SDK1: variants seen among roughly 807,000 people sequenced by gnomAD.
The protein encoded by SDK1 is protein sidekick-1.
A neutral mutation model predicts 245.5 loss-of-function variants in SDK1; 157 were observed. That is an observed-to-expected ratio of 0.64 (90% CI 0.56 to 0.73). SDK1 has a LOEUF of 0.73. SDK1 is among the 30% of genes least tolerant of loss of function. SDK1 has a pLI of 0.00. For missense variants in SDK1, 3,583 were observed against 3,002.3 expected, an observed-to-expected ratio of 1.19 and a Z score of -4.52; for synonymous variants, 1,647 against 1,278.5, an observed-to-expected ratio of 1.29 and a Z score of -6.15.
intron 42 of SDK1, among the ~76,000 whole-genome samples, chr7:4,238,140 C>T (rs1211645365): frequency 6.6e-6 from 1 of 151,890 alleles, no homozygotes; most frequent in Non-Finnish European, 1.5e-5. Context: ...AGTGCACTGG[C>T]ACAATCTCGG....
chr7:3,351,425 A>G (rs957144981), intron 1 of SDK1, among the ~76,000 whole-genome samples: 1 of 152,190 alleles, frequency 6.6e-6, no homozygotes, highest in Non-Finnish European at 1.5e-5. Context: ...CAGAAAGCAC[A>G]CAATAACATG....
At chr7:3,835,070 C>A (rs1472279529) in intron 5 of SDK1, among the ~76,000 whole-genome samples, 1 of 152,190 alleles carries the variant, frequency 6.6e-6, no homozygotes, top group African/African-American at 2.4e-5. Context: ...ACTCAAGACT[C>A]TTGAGACTTC....
chr7:4,192,359 T>C (rs1783258100), intron 35 of SDK1, among the ~76,000 whole-genome samples: 1 of 152,198 alleles, frequency 6.6e-6, no homozygotes, highest in Admixed American at 6.5e-5. Flanking sequence ...CACTGCAAGC[T>C]CCGCCTCCCG....
At chr7:3,972,121 C>G (rs1480785845) in intron 12 of SDK1, among the ~76,000 whole-genome samples, 1 of 148,404 alleles carries the variant, frequency 6.7e-6, no homozygotes, top group Non-Finnish European at 1.5e-5. Context: ...GCTCTGTCAC[C>G]TGAGCTGGAG....
intron 4 of SDK1, among the ~76,000 whole-genome samples, chr7:3,684,974 A>G (rs533526752): frequency 4.6e-5 from 7 of 152,254 alleles, no homozygotes; most frequent in South Asian, 2.1e-4. Context: ...CACAACAACA[A>G]TGGACCCAAA....
At chr7:3,908,374 A>G (rs1411889723) in intron 5 of SDK1, among the ~76,000 whole-genome samples, 1 of 152,174 alleles carries the variant, frequency 6.6e-6, no homozygotes, top group Non-Finnish European at 1.5e-5. Flanking sequence ...GCTTGGTCTC[A>G]TTCCCCACCA....
intron 1 of SDK1, among the ~76,000 whole-genome samples, chr7:3,536,878 G>A (rs1334957699): frequency 1.3e-5 from 2 of 152,118 alleles, no homozygotes; most frequent in African/African-American, 2.4e-5. Flanking sequence ...ATGCTATTAT[G>A]AAGTAATTAT....
chr7:4,125,439 A>ATGAATGGG lies in SDK1; in HGVS notation c.3824-1934_3824-1927dup, dbSNP rs1188242012. Among the ~76,000 whole-genome samples the ATGAATGGG allele has an allele frequency of 2.7e-5, 4 of 150,146 alleles. No homozygotes were observed. In the East Asian group the frequency reaches 8.2e-4, roughly 31 times the overall value. The stretch of plus-strand genomic sequence containing the variant: ...GATGGATGGATGGATGAGTGAATGG[A>ATGAATGGG]TGAATGGGTGAATGGATGAATGGAT... On this transcript the variant is annotated intron_variant, in intron 25 of 44. Coordinates refer to ENST00000404826, the MANE Select transcript of SDK1 (RefSeq NM_152744.4).
At chr7:4,212,356 A>G (rs949863377) in intron 38 of SDK1, among the ~76,000 whole-genome samples, 5 of 152,338 alleles carry the variant, frequency 3.3e-5, no homozygotes, top group African/African-American at 9.6e-5. Context: ...CCAGAGCCCA[A>G]TACTTTTGTA....
chr7:4,065,691 G>GTTGTTT (rs1779839397), intron 19 of SDK1, among the ~76,000 whole-genome samples: 1 of 29,472 alleles, frequency 3.4e-5, no homozygotes, highest in Non-Finnish European at 6.2e-5. Flanking sequence ...ATGAGTGGTT[G>GTTGTTT]TTGTTTTTTT....
At chr7:3,894,181 A>G (rs1287464768) in intron 5 of SDK1, among the ~76,000 whole-genome samples, 1 of 152,228 alleles carries the variant, frequency 6.6e-6, no homozygotes, top group Non-Finnish European at 1.5e-5. Flanking sequence ...AATCTTCAGA[A>G]CATTTTAATG....
At chr7:3,626,933 T>G (rs1364959174) in intron 2 of SDK1, among the ~76,000 whole-genome samples, 2 of 152,070 alleles carry the variant, frequency 1.3e-5, no homozygotes, top group African/African-American at 2.4e-5. Flanking sequence ...AACAATTTTT[T>G]TTTTTTTATT....
intron 4 of SDK1, among the ~76,000 whole-genome samples, chr7:3,812,551 G>A (rs1386034072): frequency 1.3e-5 from 2 of 152,186 alleles, no homozygotes; most frequent in African/African-American, 4.8e-5. Flanking sequence ...TTGCCATTAT[G>A]AGATTAACAA....
At chr7:3,720,029 G>C (rs776607853) in intron 4 of SDK1, among the ~76,000 whole-genome samples, 68 of 150,832 alleles carry the variant, frequency 4.5e-4, no homozygotes, top group Middle Eastern at 6.9e-3. Context: ...TGGGATCTAA[G>C]ACTAAGAGAA....
At chr7:3,921,905 G>C (rs1779598396) in intron 5 of SDK1, among the ~76,000 whole-genome samples, 1 of 152,130 alleles carries the variant, frequency 6.6e-6, no homozygotes, top group Admixed American at 6.6e-5. Context: ...GGTCAAGGCT[G>C]TGGTGAACCG....
intron 35 of SDK1, among the ~76,000 whole-genome samples, chr7:4,181,516 G>A (rs548854998): frequency 6.6e-6 from 1 of 152,250 alleles, no homozygotes; most frequent in East Asian, 1.9e-4. Flanking sequence ...ACGGTGTGAT[G>A]TGGCTTCTCC....
intron 14 of SDK1, among the ~76,000 whole-genome samples, chr7:3,996,700 G>A (rs1235177268): frequency 6.6e-6 from 1 of 152,130 alleles, no homozygotes; most frequent in Non-Finnish European, 1.5e-5. Flanking sequence ...TTTCCATTCA[G>A]CCATATTCCA....
At chr7:4,228,777 A>C (rs967902451) in intron 40 of SDK1, among the ~76,000 whole-genome samples, 8 of 152,122 alleles carry the variant, frequency 5.3e-5, no homozygotes, top group African/African-American at 1.9e-4. Flanking sequence ...TGACCTCGTG[A>C]TCTGTCTACC....
intron 5 of SDK1, among the ~76,000 whole-genome samples, chr7:3,874,191 T>TC (rs1360574815): frequency 6.6e-6 from 1 of 152,222 alleles, no homozygotes; most frequent in African/African-American, 2.4e-5. Context: ...ATGGTTACCC[T>TC]CATTCTACTC....
Sources: allele counts gnomAD v4.1 joint callset (sites outside exome capture counted in the v4.1 genomes callset), GRCh38; gene constraint gnomAD v4.1.1; transcripts MANE v1.5; gene names NCBI Gene and HGNC (gene_info 2026-07-23, HGNC 2026-07-21).